The following WWTR1 variants were observed in gnomAD, a reference collection of about 807,000 sequenced individuals.
WWTR1 encodes the protein WW domain-containing transcription regulator protein 1.
A neutral mutation model predicts 40.1 loss-of-function variants in WWTR1; 13 were observed. The observed-to-expected ratio is 0.32, with a 90% CI of 0.21 to 0.52. The LOEUF is 0.52. Ranked by LOEUF, WWTR1 falls within the 20% of genes least tolerant of loss-of-function variation. The pLI, the probability that WWTR1 is intolerant of heterozygous loss-of-function variation, is 0.97. For synonymous variants in WWTR1, 230 were observed against 210.1 expected (o/e 1.09, Z -0.82); for missense variants, 436 against 523.1 (o/e 0.83, Z 1.63).
At chr3:149,541,367 G>A (rs796863062) in intron 4 of WWTR1, among the ~76,000 whole-genome samples, 9 of 152,290 alleles carry the variant, frequency 5.9e-5, no homozygotes, top group African/African-American at 2.2e-4. Context: ...GACCCACAGA[G>A]GGCACACGGC....
chr3:149,541,171 AG>A (rs1451435043), intron 4 of WWTR1: 1 of 352,540 alleles, frequency 2.8e-6, no homozygotes, highest in African/African-American at 2.6e-5. Context: ...AATAAACTGA[AG>A]CTTTTCTCCC....
intron 3 of WWTR1, among the ~76,000 whole-genome samples, chr3:149,558,417 A>C (rs557079890): frequency 3.0e-4 from 45 of 152,326 alleles, no homozygotes; most frequent in African/African-American, 9.9e-4. Context: ...AAGAGTTTAC[A>C]TGATTTTAGG....
intron 2 of WWTR1, among the ~76,000 whole-genome samples, chr3:149,622,684 CAAACCAAACCAAAACCA>C (rs1740368915): frequency 1.3e-5 from 2 of 152,034 alleles, no homozygotes; most frequent in African/African-American, 2.4e-5. Context: ...AAACCAAAAC[CAAACCAAACCAAAACCA>C]AAACCAAACC....
At chr3:149,695,400 T>A (rs1204534231) in intron 1 of WWTR1, among the ~76,000 whole-genome samples, 2 of 152,200 alleles carry the variant, frequency 1.3e-5, no homozygotes, top group South Asian at 2.1e-4. Context: ...TATGCCTGTA[T>A]GAAAATATTT....
chr3:149,647,754 T>C (rs952801647), intron 2 of WWTR1, among the ~76,000 whole-genome samples: 23 of 152,152 alleles, frequency 1.5e-4, no homozygotes, highest in Admixed American at 1.0e-3. Context: ...AAATGCTTAG[T>C]TCTCTAAACA....
chr3:149,531,259 T>A (rs997335637), intron 4 of WWTR1, among the ~76,000 whole-genome samples: 6 of 152,174 alleles, frequency 3.9e-5, no homozygotes, highest in African/African-American at 1.4e-4. Context: ...GAAATATAAA[T>A]TAGGCCAGTC....
intron 3 of WWTR1, among the ~76,000 whole-genome samples, 164 bp from the exon 4 acceptor site, chr3:149,542,701 A>G (rs185436828): frequency 2.2e-4 from 33 of 152,300 alleles, no homozygotes; most frequent in Admixed American, 2.0e-3. Flanking sequence ...CCTTAATTCA[A>G]TTCACGGAGG....
chr3:149,697,439 A>G (rs1461121721), intron 1 of WWTR1, among the ~76,000 whole-genome samples: 1 of 152,210 alleles, frequency 6.6e-6, no homozygotes, highest in East Asian at 1.9e-4. Context: ...AAAAAATTGA[A>G]AAGGACACAA....
At chr3:149,622,502 GAAGAAAGAAAGA>G (rs60148340) in intron 2 of WWTR1, among the ~76,000 whole-genome samples, 85 of 46,322 alleles carry the variant, frequency 1.8e-3, no homozygotes, top group African/African-American at 6.3e-3. Flanking sequence ...AGGAAGGAAG[GAAGAAAGAAAGA>G]AAGAAAGAAA....
At chr3:149,546,350 C>G (rs944632925) in intron 3 of WWTR1, among the ~76,000 whole-genome samples, 1 of 152,196 alleles carries the variant, frequency 6.6e-6, no homozygotes, top group African/African-American at 2.4e-5. Context: ...TAAAAATGAT[C>G]TTAATGTCCA....
intron 5 of WWTR1, among the ~76,000 whole-genome samples, chr3:149,712,846 TATCTC>T (rs1411173935): frequency 1.3e-5 from 2 of 152,246 alleles, no homozygotes; most frequent in Admixed American, 1.3e-4. Context: ...ATATAAATGA[TATCTC>T]ATTTAATCCT....
chr3:149,540,919 C>A (rs1175426255), intron 4 of WWTR1: 1 of 410,934 alleles, frequency 2.4e-6, no homozygotes, highest in African/African-American at 2.1e-5. Context: ...TTCTTATATC[C>A]TGGAATGTAT....
chr3:149,724,763 T>A (rs1305462007), exon 3 of WWTR1: 2 of 151,954 alleles, frequency 1.3e-5, no homozygotes, highest in Non-Finnish European at 2.9e-5. Flanking sequence ...TGGGAGAGCA[T>A]CCAGTTCCAT....
chr3:149,532,374 G>A (rs369940969), intron 4 of WWTR1, among the ~76,000 whole-genome samples: 21 of 152,310 alleles, frequency 1.4e-4, no homozygotes, highest in African/African-American at 4.8e-4. Context: ...TTTCACCTTG[G>A]AGGGATTAAA....
chr3:149,718,628 A>C (rs1355833476), intron 4 of WWTR1, among the ~76,000 whole-genome samples: 1 of 152,178 alleles, frequency 6.6e-6, no homozygotes, highest in Non-Finnish European at 1.5e-5. Context: ...GTTAAACAAC[A>C]ACTCATTGCT....
At chr3:149,559,309 A>G (rs559662766) in intron 3 of WWTR1, among the ~76,000 whole-genome samples, 183 of 148,362 alleles carry the variant, frequency 1.2e-3, no homozygotes, top group South Asian at 0.011. Flanking sequence ...AAAAAAAAAA[A>G]AAAAGAAAAG....
chr3:149,698,706 C>G (rs934779326), intron 1 of WWTR1, among the ~76,000 whole-genome samples: 5 of 152,240 alleles, frequency 3.3e-5, no homozygotes, highest in Admixed American at 3.3e-4. Flanking sequence ...AACCATCAAG[C>G]CTTCTTCACA....
At chr3:149,604,151 C>T (rs1739383787) in intron 2 of WWTR1, among the ~76,000 whole-genome samples, 1 of 152,098 alleles carries the variant, frequency 6.6e-6, no homozygotes, top group Non-Finnish European at 1.5e-5. Flanking sequence ...TTTCATGCTC[C>T]AACCCTGTAA....
At chr3:149,534,210 G>A (rs1321490773) in intron 4 of WWTR1, among the ~76,000 whole-genome samples, 6 of 152,020 alleles carry the variant, frequency 3.9e-5, no homozygotes, top group East Asian at 1.9e-4. Context: ...AAAGAAAAAC[G>A]TGTTATTTCA....
Sources: allele counts gnomAD v4.1 joint callset (sites outside exome capture counted in the v4.1 genomes callset), GRCh38; gene constraint gnomAD v4.1.1; transcripts MANE v1.5; gene names NCBI Gene and HGNC (gene_info 2026-07-23, HGNC 2026-07-21).